Variants in ALX4 observed in about 807,000 individuals in gnomAD.
The protein encoded by ALX4 is ALX homeobox 4.
ALX4 carries 22 observed loss-of-function variants against 40.6 expected under a neutral mutation model. The observed-to-expected ratio is 0.54, with a 90% CI of 0.39 to 0.77. The LOEUF (loss-of-function observed/expected upper bound fraction) is 0.77, where lower values mean the gene tolerates loss of function less well. ALX4 is among the 30% of genes least tolerant of loss of function. The pLI, the probability that ALX4 is intolerant of heterozygous loss-of-function variation, is 0.00. For missense variants in ALX4, 556 were observed against 564.8 expected (o/e 0.98, Z 0.16); for synonymous variants, 266 against 240.5 (o/e 1.11, Z -0.98).
intron 1 of ALX4, among the ~76,000 whole-genome samples, chr11:44,276,833 C>G (rs1249719441): frequency 6.6e-6 from 1 of 152,160 alleles, no homozygotes; most frequent in African/African-American, 2.4e-5. Context: ...AGGATTCACG[C>G]CTCTGTGAGA....
rs1203794673 is a variant in ALX4, at chr11:44,263,601, C to G, written c.*1253G>C. On this transcript the variant is annotated 3_prime_UTR_variant, in exon 4 of 4. Transcript: ENST00000652299. The stretch of plus-strand genomic sequence containing the variant: ...GCTGTGTGGAGAAGAGCAACACCTC[C>G]TAGTGCCTGGAGGGACACAGAGCCC... 1 of 152,392 alleles carries G rather than the reference C, an allele frequency of 6.6e-6. No individual in the cohort carries two copies. The highest frequency in any genetic ancestry group is 2.4e-5 in the African/African-American group (1 of 41,460). The allele number at this position is 152,392 out of a possible 1,614,324, so 9.4% of individuals were successfully genotyped here.
intron 1 of ALX4, among the ~76,000 whole-genome samples, chr11:44,299,339 G>T (rs1956421536): frequency 6.7e-6 from 1 of 149,738 alleles, no homozygotes; most frequent in Non-Finnish European, 1.5e-5. Context: ...TGAGAAGAAC[G>T]CTTTGGGGGC....
Position 44,309,710 on chromosome 11 carries a change from G to T in ALX4, c.353C>A (p.Ala118Glu), listed in dbSNP as rs1000541586. 2.5e-6 allele frequency: 4 copies of T among 1,577,110 alleles called. No homozygotes were observed. Among genetic ancestry groups the T allele is most frequent in the Non-Finnish European group, 2.6e-6 (3 of 1,163,748 alleles). The change falls in exon 1 of 4, where the codon GCG becomes GAG. Residue 118 changes from alanine to glutamate, a missense_variant. Physicochemically the swap from Ala to Glu is moderately radical, Grantham distance 107. Transcript: ENST00000652299. ...TCGCTGCAAGTAAAGATGCGGTTGC[G>T]CGGGCGGCTGGGGCTGCGGCTGCTG... ...QQQQPQPQPP[A>E]QPHLYLQRGA... is the part of the protein sequence containing the mutation.
At chr11:44,302,508 T>C (rs1956440407) in intron 1 of ALX4, among the ~76,000 whole-genome samples, 2 of 152,212 alleles carry the variant, frequency 1.3e-5, no homozygotes, top group South Asian at 2.1e-4. Context: ...TGGAAGGACA[T>C]AAGCCGTAAC....
In ALX4 at chr11:44,265,001, G is replaced by T. The variant is rs943508604; in HGVS notation, c.1089C>A (p.His363Gln). ...SGAGSHVGQT[H>Q]MGSLFGAASL... is the part of the protein sequence containing the mutation. ...TGGCTGCTCCAAACAGGCTGCCCATGTGCGTCTGGCCCACGTGACTGCCAG... is the reference window on the plus strand; with the variant it reads ...TGGCTGCTCCAAACAGGCTGCCCATTTGCGTCTGGCCCACGTGACTGCCAG... The change falls in exon 4 of 4, where the codon CAC (histidine) becomes CAA (glutamine). Residue 363 changes from histidine to glutamine, a missense_variant. Physicochemically the swap from His to Gln is conservative, Grantham distance 24. Transcript: ENST00000652299. 4 of 1,613,000 alleles carry T rather than the reference G, an allele frequency of 2.5e-6. No individual in the cohort carries two copies. The Admixed American group carries it at 5.0e-5, about 20-fold the overall frequency.
rs138457853 is a variant in ALX4 at position 44,274,344 on chromosome 11, G to A, written c.777+1004C>T. ...GGAATGTGTTATATTGGGTTGTGTT[G>A]TGTTGGAAGGGGCTGCATTAGGTTT... On this transcript the variant is annotated intron_variant, in intron 2 of 3. Transcript: ENST00000652299. Among the ~76,000 whole-genome samples, 205 of 151,964 alleles carry A rather than the reference G, an allele frequency of 1.3e-3. 1 individual carries two copies. Among genetic ancestry groups the A allele is most frequent in the African/African-American group, 4.7e-3 (193 of 41,430 alleles).
intron 2 of ALX4, among the ~76,000 whole-genome samples, chr11:44,274,658 G>A (rs544130611): frequency 6.6e-6 from 1 of 152,316 alleles, no homozygotes; most frequent in Admixed American, 6.5e-5. Flanking sequence ...GTTGGGTTGA[G>A]TGTGTTGAGT....
At chr11:44,274,676 T>C in intron 2 of ALX4, among the ~76,000 whole-genome samples, 1 of 152,136 alleles carries the variant, frequency 6.6e-6, no homozygotes, top group East Asian at 1.9e-4. Context: ...AGTTCCACTG[T>C]GTTGTGTTGT....
chr11:44,268,949 A>G (rs531888834), intron 2 of ALX4, among the ~76,000 whole-genome samples: 3 of 152,352 alleles, frequency 2.0e-5, no homozygotes, highest in Non-Finnish European at 4.4e-5. Context: ...GAGCCTTGCC[A>G]GGCCCTTCCA....
intron 2 of ALX4, among the ~76,000 whole-genome samples, chr11:44,272,907 T>C (rs1470882065): frequency 6.6e-6 from 1 of 152,210 alleles, no homozygotes; most frequent in Non-Finnish European, 1.5e-5. Context: ...GTAGCTGCAG[T>C]TTCTGAACAG....
At position 44,270,919 on chromosome 11, in the gene ALX4, T is replaced by C. The variant is rs909717692; in HGVS notation, c.778-3297A>G. On this transcript the variant is annotated intron_variant, in intron 2 of 3. Transcript: ENST00000652299. ...GGGCGGGGAGGCCTCTGTCTTATTG[T>C]CTTCAGACACCAGCTGCAGAGATTG... is the stretch of plus-strand genomic sequence containing the variant. Among the ~76,000 whole-genome samples the C allele has an allele frequency of 6.6e-5, 10 of 152,290 alleles. No individual in the cohort carries two copies. The South Asian group carries it at 1.9e-3, about 28-fold the overall frequency.
intron 1 of ALX4, among the ~76,000 whole-genome samples, chr11:44,285,418 G>A (rs1192227136): frequency 6.6e-6 from 1 of 152,152 alleles, no homozygotes; most frequent in Non-Finnish European, 1.5e-5. Context: ...GTTTCTACTT[G>A]TTTGAAATCA....
At chr11:44,285,049 C>A (rs1956330784) in intron 1 of ALX4, among the ~76,000 whole-genome samples, 1 of 152,068 alleles carries the variant, frequency 6.6e-6, no homozygotes, top group African/African-American at 2.4e-5. Context: ...AGTGCAACCT[C>A]CGCCTCCCCG....
At chr11:44,282,557 C>T (rs1290122129) in intron 1 of ALX4, among the ~76,000 whole-genome samples, 1 of 152,176 alleles carries the variant, frequency 6.6e-6, no homozygotes, top group African/African-American at 2.4e-5. Context: ...CAGAATCACC[C>T]CGAAATGGAG....
intron 1 of ALX4, among the ~76,000 whole-genome samples, chr11:44,294,471 A>C (rs1384556088): frequency 6.6e-6 from 1 of 152,244 alleles, no homozygotes; most frequent in Non-Finnish European, 1.5e-5. Flanking sequence ...GTTATTCCCC[A>C]GCTCATGACA....
At chr11:44,268,043 C>G (rs1263557909) in intron 2 of ALX4, among the ~76,000 whole-genome samples, 3 of 152,172 alleles carry the variant, frequency 2.0e-5, no homozygotes, top group Non-Finnish European at 4.4e-5. Flanking sequence ...CCACAGTTTT[C>G]CAAAAGGTTC....
intron 1 of ALX4, among the ~76,000 whole-genome samples, chr11:44,306,947 A>T (rs1956472107): frequency 6.6e-6 from 1 of 152,182 alleles, no homozygotes; most frequent in Non-Finnish European, 1.5e-5. Flanking sequence ...GGGAAAGAAC[A>T]AACACTGACT....
intron 1 of ALX4, among the ~76,000 whole-genome samples, chr11:44,308,270 C>G (rs940135276): frequency 6.6e-6 from 1 of 152,228 alleles, no homozygotes; most frequent in African/African-American, 2.4e-5. Flanking sequence ...CATCTATGAA[C>G]TAGTTCTGCG....
chr11:44,283,634 G>A (rs1048907088), intron 1 of ALX4, among the ~76,000 whole-genome samples: 4 of 152,190 alleles, frequency 2.6e-5, no homozygotes, highest in East Asian at 3.9e-4. Context: ...GTTCGATCTC[G>A]GCTCACTGCA....
Sources: gnomAD v4.1 joint callset for allele counts (sites outside exome capture counted in the v4.1 genomes callset) on GRCh38, gnomAD v4.1.1 for gene constraint, MANE v1.5 for transcripts, NCBI Gene and HGNC (gene_info 2026-07-23, HGNC 2026-07-21) for gene names.